Variants in MTA1 observed in about 807,000 individuals in gnomAD.
MTA1 encodes the protein metastasis associated 1.
In MTA1, 15 loss-of-function variants were observed where a neutral mutation model predicts 97.0. The ratio of observed to expected loss-of-function variants is 0.15; its 90% CI spans 0.10 to 0.24. The LOEUF (loss-of-function observed/expected upper bound fraction) is 0.24, where lower values mean the gene tolerates loss of function less well. MTA1 is among the 10% of genes least tolerant of loss of function. The pLI, the probability that MTA1 is intolerant of heterozygous loss-of-function variation, is 1.00. For missense variants in MTA1, 709 were observed against 1,015.1 expected (o/e 0.70, Z 4.10); for synonymous variants, 435 against 417.5 (o/e 1.04, Z -0.51).
At chr14:105,438,803 C>CTGTGGGTGGCCAG (rs1209130434) in intron 2 of MTA1, 64 bp downstream of exon 2, 1 of 1,563,036 alleles carries the variant, frequency 6.4e-7, no homozygotes, top group Admixed American at 1.7e-5. Flanking sequence ...AGCTCCTGCC[C>CTGTGGGTGGCCAG]TGTGGGTGGC....
chr14:105,445,807 G>C (rs998216230), intron 3 of MTA1: 1 of 488,102 alleles, frequency 2.0e-6, no homozygotes, highest in Admixed American at 3.2e-5. Flanking sequence ...ATTGATCGAG[G>C]CTTCTTTTTC....
At chr14:105,453,248 G>T (rs972304618) in intron 6 of MTA1, among the ~76,000 whole-genome samples, 10 of 152,288 alleles carry the variant, frequency 6.6e-5, no homozygotes, top group Non-Finnish European at 8.8e-5. Flanking sequence ...ATGCTCCGTA[G>T]CGCTCCAGCG....
intron 8 of MTA1, 33 bp from the exon 9 acceptor site, chr14:105,460,325 C>A: frequency 6.4e-7 from 1 of 1,571,490 alleles, no homozygotes; most frequent in Admixed American, 1.8e-5. Context: ...CCTGCTTGGC[C>A]GACACTGTGG....
Position 105,438,336 on chromosome 14 carries a change from C to T in MTA1, c.29-336C>T, listed in dbSNP as rs587615124. Among the ~76,000 whole-genome samples, 296 of 152,198 alleles carry T rather than the reference C, an allele frequency of 1.9e-3. 2 individuals carry two copies. The highest frequency in any genetic ancestry group is 6.8e-3 in the African/African-American group (281 of 41,534). Reference sequence around the variant, plus strand: ...AGCTGGGCTTTGCCTGGGAAGCTGCCGCCTGGCCCCCACAGCTTCCCCAAG... The same window carrying T: ...AGCTGGGCTTTGCCTGGGAAGCTGCTGCCTGGCCCCCACAGCTTCCCCAAG... On this transcript the variant is annotated intron_variant, in intron 1 of 20. Transcript: ENST00000331320.
chr14:105,447,783 C>G lies in MTA1; in HGVS notation c.191-1576C>G, dbSNP rs958026543. On this transcript the variant is annotated intron_variant, in intron 3 of 20. Coordinates refer to ENST00000331320, the MANE Select transcript of MTA1 (RefSeq NM_004689.4). ...ACTCAGAGCGCGGCCCCACTCTTGC[C>G]TGGCGGCTGGGCCTTGCGGTGATTC... is the stretch of plus-strand genomic sequence containing the variant. Among the ~76,000 whole-genome samples the G allele has an allele frequency of 3.3e-5, 5 of 152,354 alleles. No individual in the cohort carries two copies. In the East Asian group the frequency reaches 9.7e-4, roughly 29 times the overall value.
chr14:105,465,195 G>C lies in MTA1; in HGVS notation c.1624+12G>C. 2 of 1,505,278 alleles carry C rather than the reference G, an allele frequency of 1.3e-6. No homozygotes were observed. Among genetic ancestry groups the C allele is most frequent in the South Asian group, 2.4e-5 (2 of 81,858 alleles). The allele number at this position is 1,505,278 out of a possible 1,614,324, so 93.2% of individuals were successfully genotyped here. On this transcript the variant is annotated intron_variant, in intron 16 of 20. Transcript: ENST00000331320. ...GCTTCGGTATCTTGGTGAGCAGCCAGGCGTGCTGGGGGGCTCCCAATGCTG... is the reference window on the plus strand; with the variant it reads ...GCTTCGGTATCTTGGTGAGCAGCCACGCGTGCTGGGGGGCTCCCAATGCTG...
chr14:105,439,548 C>T (rs587608924), intron 2 of MTA1, among the ~76,000 whole-genome samples: 145 of 152,280 alleles, frequency 9.5e-4, no homozygotes, highest in Non-Finnish European at 1.7e-3. Context: ...AGCCTTCTCG[C>T]TGTCCTCAGG....
chr14:105,464,835 C>T lies in MTA1; in HGVS notation c.1506C>T (p.Pro502=). 3 of 1,589,500 alleles carry T rather than the reference C, an allele frequency of 1.9e-6. No homozygotes were observed. The highest frequency in any genetic ancestry group is 2.6e-6 in the Non-Finnish European group (3 of 1,164,228). Residue 502 remains proline (P), a synonymous_variant, in exon 15 of 21, where the codon CCC becomes CCT. Transcript: ENST00000331320. ...PWHAARHPYL[P]INSAAIKAEC... is the part of the protein sequence containing the mutation. ...ACGCTGCGCGGCACCCCTACCTGCC[C>T]ATCAACAGCGCGGCCATCAAGGCCG...
Position 105,470,380 on chromosome 14 carries a change from C to CGGCTAACTTATTCCGA in MTA1, c.*167_*182dup. The CGGCTAACTTATTCCGA allele has an allele frequency of 1.8e-6, 1 of 566,004 alleles. No homozygotes were observed. The highest frequency in any genetic ancestry group is 2.6e-5 in the South Asian group (1 of 37,790). The allele number at this position is 566,004 out of a possible 1,614,324, so 35.1% of individuals were successfully genotyped here. On this transcript the variant is annotated 3_prime_UTR_variant, in exon 21 of 21. Coordinates refer to ENST00000331320, the MANE Select transcript of MTA1 (RefSeq NM_004689.4). ...CACTGGGGGAGGAGAGGAAGAAGCG[C>CGGCTAACTTATTCCGA]GGCTAACTTATTCCGAGAATGCCGA...
rs2082556375 is a variant in MTA1, at chr14:105,442,222, G to A, written c.97-3196G>A. ...AAGCACCGGAGTCAAAACCCACTTT[G>A]CCTTTCGGCAGCCGCGTTCAGGTGT... On this transcript the variant is annotated intron_variant, in intron 2 of 20. Coordinates refer to ENST00000331320, the MANE Select transcript of MTA1 (RefSeq NM_004689.4). 4.6e-5 allele frequency among the ~76,000 whole-genome samples: 7 copies of A among 152,242 alleles called. No individual in the cohort carries two copies. The South Asian group carries it at 1.2e-3, about 27-fold the overall frequency.
intron 3 of MTA1, among the ~76,000 whole-genome samples, chr14:105,448,200 C>A: frequency 6.6e-6 from 1 of 152,172 alleles, no homozygotes; most frequent in South Asian, 2.1e-4. Context: ...CTGGGCCTCA[C>A]GCTTAGGGGT....
intron 18 of MTA1, chr14:105,467,962 G>A (rs2083665443): frequency 7.0e-6 from 2 of 286,324 alleles, no homozygotes; most frequent in South Asian, 6.5e-5. Context: ...GCCATGCAGT[G>A]CTTGTGAGGG....
Position 105,470,162 on chromosome 14 carries a change from C to A in MTA1, c.2095C>A (p.Arg699=), listed in dbSNP as rs587655368. 3.0e-5 allele frequency: 49 copies of A among 1,609,924 alleles called. No individual in the cohort carries two copies. The African/African-American group carries it at 5.3e-4, about 18-fold the overall frequency. Residue 699 remains arginine (R), a synonymous_variant, in exon 21 of 21, where the codon CGG becomes AGG. Transcript: ENST00000331320. ...GCGCCAGAGCCAGGCCCTGCCGCCG[C>A]GGCCACCGCCACCTGCGCCCGTCAA... is the stretch of plus-strand genomic sequence containing the variant. ...ALRQSQALPP[R]PPPPAPVNDE...
intron 3 of MTA1, chr14:105,449,044 A>G (rs1432950554): frequency 2.8e-6 from 1 of 357,344 alleles, no homozygotes; most frequent in Non-Finnish European, 5.1e-6. Flanking sequence ...CCCCGGTCTC[A>G]TCTGGACAGC....
intron 2 of MTA1, among the ~76,000 whole-genome samples, chr14:105,445,080 A>G (rs1555426757): frequency 6.6e-6 from 1 of 152,160 alleles, no homozygotes; most frequent in Non-Finnish European, 1.5e-5. Flanking sequence ...GTGGCCTCCC[A>G]GGAGCTGACT....
At chr14:105,430,932 A>G (rs906749146) in intron 1 of MTA1, among the ~76,000 whole-genome samples, 1 of 152,136 alleles carries the variant, frequency 6.6e-6, no homozygotes, top group African/African-American at 2.4e-5. Context: ...GGCTGCTTTG[A>G]GCTACCGTGG....
chr14:105,441,518 GAC>G (rs2082514033), intron 2 of MTA1, among the ~76,000 whole-genome samples: 1 of 152,264 alleles, frequency 6.6e-6, no homozygotes, highest in African/African-American at 2.4e-5. Context: ...TCAGAGGCTG[GAC>G]GCAGGGGCTC....
intron 2 of MTA1, among the ~76,000 whole-genome samples, chr14:105,440,272 T>C (rs2082465554): frequency 6.6e-6 from 1 of 152,242 alleles, no homozygotes; most frequent in Non-Finnish European, 1.5e-5. Flanking sequence ...TCCCAGCATG[T>C]GGACTGTAGG....
Position 105,469,453 on chromosome 14 carries a change from C to G in MTA1, c.1814-14C>G. On this transcript the variant is annotated splice_polypyrimidine_tract_variant and intron_variant, in intron 18 of 20. Coordinates refer to ENST00000331320, the MANE Select transcript of MTA1 (RefSeq NM_004689.4). Reference sequence around the variant, plus strand: ...TCTCTCGGGGCCTCATTTCTCTCCTCCATTTCTCATCAGGTCTGGCAAACC... The same window carrying G: ...TCTCTCGGGGCCTCATTTCTCTCCTGCATTTCTCATCAGGTCTGGCAAACC... 6.2e-7 allele frequency: 1 copy of G among 1,612,882 alleles called. No individual in the cohort carries two copies. Among genetic ancestry groups the G allele is most frequent in the Non-Finnish European group, 8.5e-7 (1 of 1,179,726 alleles).
Sources: allele counts gnomAD v4.1 joint callset (sites outside exome capture counted in the v4.1 genomes callset), GRCh38; gene constraint gnomAD v4.1.1; transcripts MANE v1.5; gene names NCBI Gene and HGNC (gene_info 2026-07-23, HGNC 2026-07-21).